Variants in FRMPD4 observed in about 807,000 individuals in gnomAD.
FRMPD4 encodes FERM and PDZ domain-containing protein 4.
A neutral mutation model predicts 94.1 loss-of-function variants in FRMPD4; 22 were observed. The ratio of observed to expected loss-of-function variants is 0.23; its 90% CI spans 0.17 to 0.33. FRMPD4 has a LOEUF of 0.33. FRMPD4 is among the 10% of genes least tolerant of loss of function. The probability of loss-of-function intolerance (pLI) is 1.00; values close to 1 mark genes in which losing one functional copy is unlikely to be tolerated. For missense variants in FRMPD4, 1,111 were observed against 1,339.9 expected, an observed-to-expected ratio of 0.83 and a Z score of 2.67; for synonymous variants, 631 against 548.6, an observed-to-expected ratio of 1.15 and a Z score of -2.10.
chrX:12,573,008 T>C (rs1006084242), intron 2 of FRMPD4, among the ~76,000 whole-genome samples: 2 of 112,634 alleles, frequency 1.8e-5, no homozygotes, highest in African/African-American at 6.5e-5. Flanking sequence ...ATTTCCTTTA[T>C]AGATGTAATT....
chrX:11,966,294 G>A (rs1253593062), intron 3 of FRMPD4, among the ~76,000 whole-genome samples: 1 of 110,774 alleles, frequency 9.0e-6, no homozygotes, highest in African/African-American at 3.3e-5. Flanking sequence ...CTCATGAATG[G>A]GATTAGTGCC....
intron 1 of FRMPD4, among the ~76,000 whole-genome samples, chrX:12,399,059 C>T (rs1238670493): frequency 9.0e-6 from 1 of 111,270 alleles, no homozygotes; most frequent in Non-Finnish European, 1.9e-5. Context: ...CTCAGAGGAT[C>T]CCTTTTCCTC....
intron 1 of FRMPD4, among the ~76,000 whole-genome samples, chrX:12,243,572 A>G (rs66570369): frequency 0.18 from 19,686 of 109,884 alleles, 1,670 homozygotes; most frequent in East Asian, 0.51. Context: ...TCTCTATAAG[A>G]TTGCTTTTAT....
rs781138777 is a variant in FRMPD4, at chrX:12,538,387, C to T, written c.158+39591C>T. ...AAGGAGGCCTGCCTGCCTGTAGACTCCACCTCTGGGGGCAGGGCATAGCTG... is the reference window on the plus strand; with the variant it reads ...AAGGAGGCCTGCCTGCCTGTAGACTTCACCTCTGGGGGCAGGGCATAGCTG... On this transcript the variant is annotated intron_variant, in intron 2 of 16. Transcript: ENST00000675598. 2.4e-3 allele frequency among the ~76,000 whole-genome samples: 269 copies of T among 111,329 alleles called. 1 individual carries two copies. Among genetic ancestry groups the T allele is most frequent in the African/African-American group, 8.3e-3 (255 of 30,697 alleles).
chrX:12,245,806 T>A (rs2053949117), intron 1 of FRMPD4, among the ~76,000 whole-genome samples: 1 of 111,059 alleles, frequency 9.0e-6, no homozygotes, highest in Non-Finnish European at 1.9e-5. Context: ...TCTCTTGTGC[T>A]CCTTTGCCCT....
At chrX:12,322,445 G>A (rs1284397976) in intron 1 of FRMPD4, among the ~76,000 whole-genome samples, 2 of 110,960 alleles carry the variant, frequency 1.8e-5, no homozygotes, top group Non-Finnish European at 3.8e-5. Context: ...GGGAAAGGGT[G>A]TTTCCAGAGG....
At chrX:12,032,313 A>G (rs1301051500) in intron 3 of FRMPD4, among the ~76,000 whole-genome samples, 3 of 112,094 alleles carry the variant, frequency 2.7e-5, no homozygotes, top group Non-Finnish European at 5.6e-5. Context: ...AAGGGAATGG[A>G]GAAAGAACTC....
intron 1 of FRMPD4, among the ~76,000 whole-genome samples, chrX:12,255,915 A>G (rs140336272): frequency 9.4e-4 from 106 of 112,336 alleles, no homozygotes; most frequent in African/African-American, 3.4e-3. Flanking sequence ...ACATGATGGT[A>G]GTAATGGTCT....
At chrX:12,070,692 T>TG (rs1412191140) in intron 3 of FRMPD4, among the ~76,000 whole-genome samples, 6 of 111,942 alleles carry the variant, frequency 5.4e-5, no homozygotes, top group African/African-American at 1.9e-4. Context: ...TCGTCACTAC[T>TG]GGGGAAAAAA....
At position 12,716,740 on chromosome X, in the gene FRMPD4, G is replaced by A. The variant is rs2042093859; in HGVS notation, c.2281G>A (p.Val761Met). Residue 761 changes from valine to methionine, a missense_variant, in exon 15 of 17, where the codon GTG becomes ATG. By Grantham distance (21) the Val-to-Met change is conservative. Coordinates refer to ENST00000675598, the MANE Select transcript of FRMPD4 (RefSeq NM_001368397.1). ...CGAGGTGAGCTGCGAGGAGGACCTC[G>A]TGGTGGGGGAGATGAACCAGCCGGC... ...EDEVSCEEDL[V>M]VGEMNQPAIL... 1.7e-6 allele frequency: 2 copies of A among 1,211,558 alleles called. No homozygotes were observed. The highest frequency in any genetic ancestry group is 1.7e-5 in the African/African-American group (1 of 57,834).
rs372785700 is a variant in FRMPD4, at chrX:12,190,059, A to G, written c.41+51047A>G. The stretch of plus-strand genomic sequence containing the variant: ...ATATACAAAAGTTAATTGCTTTCCT[A>G]TATACCAGCAATGAATAAGTGGCAT... On this transcript the variant is annotated intron_variant, in intron 1 of 16. Coordinates refer to ENST00000675598, the MANE Select transcript of FRMPD4 (RefSeq NM_001368397.1). Among the ~76,000 whole-genome samples, 60 of 111,806 alleles carry G rather than the reference A, an allele frequency of 5.4e-4. 1 individual carries two copies. In the South Asian group the frequency reaches 0.016, roughly 30 times the overall value.
intron 3 of FRMPD4, among the ~76,000 whole-genome samples, chrX:12,122,182 T>C (rs2055460397): frequency 9.0e-6 from 1 of 111,227 alleles, no homozygotes; most frequent in African/African-American, 3.3e-5. Flanking sequence ...CCAACTATAT[T>C]GTATCACCCT....
At chrX:12,370,375 A>G (rs2056146841) in intron 1 of FRMPD4, among the ~76,000 whole-genome samples, 1 of 112,558 alleles carries the variant, frequency 8.9e-6, no homozygotes, top group Non-Finnish European at 1.9e-5. Context: ...AAATGTAACA[A>G]AAAGCAAAAG....
chrX:12,694,000 A>G (rs891014410), intron 8 of FRMPD4, among the ~76,000 whole-genome samples: 1 of 111,335 alleles, frequency 9.0e-6, no homozygotes, highest in Non-Finnish European at 1.9e-5. Flanking sequence ...ATCAGGCTAT[A>G]GCTACTCTCT....
intron 3 of FRMPD4, among the ~76,000 whole-genome samples, chrX:12,116,651 G>A (rs2055411380): frequency 1.8e-5 from 2 of 111,662 alleles, no homozygotes; most frequent in Admixed American, 1.9e-4. Flanking sequence ...TAGGGTGATG[G>A]AGCGTAATTT....
At chrX:12,498,946 T>C in intron 2 of FRMPD4, 150 bp downstream of exon 2, 1 of 245,643 alleles carries the variant, frequency 4.1e-6, no homozygotes, top group Non-Finnish European at 7.4e-6. Flanking sequence ...CAGCTGCTTA[T>C]ATTTCTATAT....
intron 1 of FRMPD4, among the ~76,000 whole-genome samples, chrX:12,412,060 C>A (rs1342242340): frequency 8.9e-6 from 1 of 112,200 alleles, no homozygotes; most frequent in African/African-American, 3.2e-5. Flanking sequence ...GATTCACAGG[C>A]CACTTCAGCC....
At position 12,200,938 on chromosome X, in the gene FRMPD4, G is replaced by T. The variant is rs186335872; in HGVS notation, c.41+61926G>T. Among the ~76,000 whole-genome samples, 263 of 112,194 alleles carry T rather than the reference G, an allele frequency of 2.3e-3. 1 individual carries two copies. The highest frequency in any genetic ancestry group is 8.2e-3 in the African/African-American group (253 of 30,919). The stretch of plus-strand genomic sequence containing the variant: ...TCCACAGTGGGAAAGGGAGTCAATT[G>T]TACCTCCATCTTATGGAATGTAGAC... On this transcript the variant is annotated intron_variant, in intron 1 of 16. Coordinates refer to ENST00000675598, the MANE Select transcript of FRMPD4 (RefSeq NM_001368397.1).
chrX:12,008,357 T>C (rs2054564544), intron 3 of FRMPD4, among the ~76,000 whole-genome samples: 1 of 111,894 alleles, frequency 8.9e-6, no homozygotes, highest in African/African-American at 3.3e-5. Context: ...TGGCTTTGGC[T>C]GACATCAGGA....
Sources: allele counts gnomAD v4.1 joint callset (sites outside exome capture counted in the v4.1 genomes callset), GRCh38; gene constraint gnomAD v4.1.1; transcripts MANE v1.5; gene names NCBI Gene and HGNC (gene_info 2026-07-23, HGNC 2026-07-21).